The following DUS1L variants were observed in gnomAD, a reference collection of about 807,000 sequenced individuals.
DUS1L encodes tRNA-dihydrouridine(16/17) synthase [NAD(P)(+)]-like.
In DUS1L, 56 loss-of-function variants were observed where a neutral mutation model predicts 61.2. That is an observed-to-expected ratio of 0.92 (90% confidence interval 0.74 to 1.14). The LOEUF is 1.14. Among genes scored for constraint, DUS1L ranks in the 50% most tolerant of loss-of-function variants. DUS1L has a pLI of 0.00. For missense variants in DUS1L, 630 were observed against 632.4 expected (o/e 1.00, Z 0.04); for synonymous variants, 278 against 259.5 (o/e 1.07, Z -0.69).
chr17:82,058,283 G>A (rs1430912966), intron 13 of DUS1L, 29 bp from the exon 14 acceptor site: 2 of 1,550,716 alleles, frequency 1.3e-6, no homozygotes, highest in African/African-American at 1.4e-5. Context: ...GGAGTCGGGG[G>A]TCAGGAGGCG....
At chr17:82,062,098 C>T (rs896806714) in intron 5 of DUS1L, 115 bp from the exon 6 acceptor site, 74 of 912,732 alleles carry the variant, frequency 8.1e-5, no homozygotes, top group Admixed American at 1.1e-4. Context: ...CCCCTCTGCC[C>T]CTCCCAGCCC....
Position 82,061,660 on chromosome 17 carries a change from G to A in DUS1L, c.655C>T (p.Arg219Cys), listed in dbSNP as rs200226024. ...GNIQCLQDVE[R>C]CLRDTGVQGV... ...TGCACACCCGTGTCCCGGAGGCAGCGCTCCACGTCCTGCAGGCACTGGATG... is the reference window on the plus strand; with the variant it reads ...TGCACACCCGTGTCCCGGAGGCAGCACTCCACGTCCTGCAGGCACTGGATG... The change falls in exon 7 of 14, where the codon CGC becomes TGC. Residue 219 changes from arginine (R) to cysteine (C), a missense_variant. Physicochemically the swap from Arg to Cys is radical, Grantham distance 180. Coordinates refer to ENST00000306796, the MANE Select transcript of DUS1L (RefSeq NM_022156.5). The A allele has an allele frequency of 7.4e-6, 12 of 1,612,750 alleles. No individual in the cohort carries two copies. Among genetic ancestry groups the A allele is most frequent in the African/African-American group, 1.3e-5 (1 of 74,926 alleles).
At position 82,060,914 on chromosome 17, in the gene DUS1L, G is replaced by A; in HGVS notation, c.890C>T (p.Thr297Ile). The A allele has an allele frequency of 6.2e-7, 1 of 1,611,288 alleles. No individual in the cohort carries two copies. The highest frequency in any genetic ancestry group is 1.3e-5 in the African/African-American group (1 of 75,046). The part of the protein sequence containing the change: ...ELREELAKVK[T>I]LEGIAAVSQE... ...GCTCACAGCAGCGATGCCCTCCAGGGTCTTCACCTTGGCCAGCTCCTCTCG... is the reference window on the plus strand; with the variant it reads ...GCTCACAGCAGCGATGCCCTCCAGGATCTTCACCTTGGCCAGCTCCTCTCG... Residue 297 changes from threonine to isoleucine, a missense_variant, in exon 9 of 14, where the codon ACC becomes ATC. Transcript: ENST00000306796.
At chr17:82,062,754 A>C (rs2033571629) in intron 5 of DUS1L, 107 bp downstream of exon 5, 1 of 998,424 alleles carries the variant, frequency 1.0e-6, no homozygotes, top group South Asian at 1.4e-5. Context: ...CACTGCCCCC[A>C]TGAGGCCGAC....
Position 82,065,073 on chromosome 17 carries a change from G to C in DUS1L, c.-10-4C>G. The stretch of plus-strand genomic sequence containing the variant: ...CAGCTTTGGCATCGTCTCCAGGCTG[G>C]GGGAAAGGCGCAGACCCGGGGTTCA... On this transcript the variant is annotated splice_region_variant and splice_polypyrimidine_tract_variant and intron_variant, in intron 1 of 13. Transcript: ENST00000306796. 1.3e-6 allele frequency: 2 copies of C among 1,580,376 alleles called. No homozygotes were observed. The highest frequency in any genetic ancestry group is 1.7e-6 in the Non-Finnish European group (2 of 1,161,948).
intron 4 of DUS1L, 49 bp from the exon 5 acceptor site, chr17:82,063,022 T>G: frequency 6.6e-7 from 1 of 1,515,788 alleles, no homozygotes; most frequent in Non-Finnish European, 9.1e-7. Context: ...GTTCCCACTT[T>G]AGCGGCCAAG....
At position 82,057,722 on chromosome 17, in the gene DUS1L, G is replaced by A. The variant is rs529579302; in HGVS notation, c.*393C>T. The A allele has an allele frequency of 2.5e-5, 5 of 200,190 alleles. No individual in the cohort carries two copies. Among genetic ancestry groups the A allele is most frequent in the South Asian group, 8.9e-5 (1 of 11,222 alleles). The allele number at this position is 200,190 out of a possible 1,614,324, so 12.4% of individuals were successfully genotyped here. Reference sequence around the variant, plus strand: ...GCCTATGGAGGCGCCTAGGGGAGGTGGGGAGGGGACCTAAGCCCCCACTTT... The same window carrying A: ...GCCTATGGAGGCGCCTAGGGGAGGTAGGGAGGGGACCTAAGCCCCCACTTT... On this transcript the variant is annotated 3_prime_UTR_variant, in exon 14 of 14. Transcript: ENST00000306796.
chr17:82,064,848 G>C lies in DUS1L; in HGVS notation c.212C>G (p.Pro71Arg). ...RKENLYCEVC[P>R]EDRPLIVQFC... ...CTGCACGATGAGGGGCCGGTCCTCG[G>C]GGCACACCTCGCAGTACAGGTTCTC... is the stretch of plus-strand genomic sequence containing the variant. Residue 71 changes from proline (P) to arginine (R), a missense_variant, in exon 2 of 14, where the codon CCC becomes CGC. Physicochemically the swap from Pro to Arg is moderately radical, Grantham distance 103. Coordinates refer to ENST00000306796, the MANE Select transcript of DUS1L (RefSeq NM_022156.5). 6.2e-7 allele frequency: 1 copy of C among 1,611,736 alleles called. No homozygotes were observed. Among genetic ancestry groups the C allele is most frequent in the Non-Finnish European group, 8.5e-7 (1 of 1,179,548 alleles).
At position 82,060,439 on chromosome 17, in the gene DUS1L, T is replaced by C. The variant is rs546949835; in HGVS notation, c.1022+262A>G. ...AGGATCAGAGGAGCTCAGAGAAGTA[T>C]GTTATGGAAGAAAAGATTTAAAATC... is the stretch of plus-strand genomic sequence containing the variant. On this transcript the variant is annotated intron_variant, in intron 10 of 13. Transcript: ENST00000306796. 1.6e-3 allele frequency: 931 copies of C among 585,242 alleles called. 21 individuals carry two copies. In the South Asian group the frequency reaches 0.019, roughly 12 times the overall value. 36.3% of individuals were successfully genotyped at this position (585,242 alleles called of 1,614,324 possible). A position where few individuals can be genotyped will look rare whatever the true frequency, so the allele number is the denominator to read the frequency against.
intron 1 of DUS1L, 176 bp downstream of exon 1, chr17:82,065,437 A>C: frequency 4.0e-5 from 8 of 198,734 alleles, no homozygotes; most frequent in East Asian, 1.1e-4. Context: ...TCCCGGGAGA[A>C]TCGGCTCCGC....
At chr17:82,059,781 C>T (rs2033375057) in intron 11 of DUS1L, 167 bp downstream of exon 11, 1 of 938,992 alleles carries the variant, frequency 1.1e-6, no homozygotes, top group African/African-American at 1.6e-5. Context: ...GGTCCCCGTT[C>T]TGACCCCAAG....
chr17:82,064,018 C>CA (rs2033640603), intron 3 of DUS1L, 108 bp downstream of exon 3: 1 of 954,452 alleles, frequency 1.0e-6, no homozygotes, highest in Admixed American at 2.1e-5. Flanking sequence ...GAGCCACTGT[C>CA]ACGACAGAGG....
chr17:82,058,031 G>T lies in DUS1L; in HGVS notation c.*84C>A. 7.0e-7 allele frequency: 1 copy of T among 1,425,374 alleles called. No individual in the cohort carries two copies. The highest frequency in any genetic ancestry group is 1.4e-5 in the African/African-American group (1 of 69,176). The allele number at this position is 1,425,374 out of a possible 1,614,324, so 88.3% of individuals were successfully genotyped here. A position where few individuals can be genotyped will look rare whatever the true frequency, so the allele number is the denominator to read the frequency against. On this transcript the variant is annotated 3_prime_UTR_variant, in exon 14 of 14. Transcript: ENST00000306796. ...CGTGTCTTTCCACATTAAGTAGCAG[G>T]AGATTCCCTGAGTAAAAGGCATTTT... is the stretch of plus-strand genomic sequence containing the variant.
intron 3 of DUS1L, 25 bp from the exon 4 acceptor site, chr17:82,063,543 C>T (rs2033612633): frequency 6.2e-7 from 1 of 1,613,082 alleles, no homozygotes; most frequent in South Asian, 1.1e-5. Flanking sequence ...CATGGCCTGG[C>T]TGGCACCTGT....
Position 82,065,008 on chromosome 17 carries a change from G to A in DUS1L, c.52C>T (p.Arg18Cys). 1.9e-6 allele frequency: 3 copies of A among 1,610,274 alleles called. No individual in the cohort carries two copies. Among genetic ancestry groups the A allele is most frequent in the Non-Finnish European group, 1.7e-6 (2 of 1,178,320 alleles). ...EFWSRTLRGA[R>C]HVVAPMVDQS... ...TCCACCATGGGGGCCACGACGTGGC[G>A]GGCCCCTCGCAGGGTGCGGCTCCAG... Residue 18 changes from arginine (R) to cysteine (C), a missense_variant, in exon 2 of 14, where the codon CGC (arginine) becomes TGC (cysteine). Coordinates refer to ENST00000306796, the MANE Select transcript of DUS1L (RefSeq NM_022156.5).
rs1252060444 is a variant in DUS1L at position 82,064,967 on chromosome 17, G to C, written c.93C>G (p.Ala31=). ...VAPMVDQSEL[A]WRLLSRRHGA... ...CGTGGCGCCGGCTCAGCAGCCTCCA[G>C]GCCAGCTCGCTCTGGTCCACCATGG... Residue 31 remains alanine, a synonymous_variant, in exon 2 of 14, where the codon GCC becomes GCG. Coordinates refer to ENST00000306796, the MANE Select transcript of DUS1L (RefSeq NM_022156.5). The C allele has an allele frequency of 5.0e-6, 8 of 1,612,410 alleles. No homozygotes were observed. The highest frequency in any genetic ancestry group is 6.8e-6 in the Non-Finnish European group (8 of 1,179,756).
At position 82,057,981 on chromosome 17, in the gene DUS1L, A is replaced by G; in HGVS notation, c.*134T>C. On this transcript the variant is annotated 3_prime_UTR_variant, in exon 14 of 14. Transcript: ENST00000306796. ...CCCACTGCAGCATTTCCAGGCCCCC[A>G]GAGTGGGCCGAAGGGGGACATGGGC... The G allele has an allele frequency of 8.4e-7, 1 of 1,187,338 alleles. No homozygotes were observed. Among genetic ancestry groups the G allele is most frequent in the Non-Finnish European group, 1.1e-6 (1 of 886,408 alleles). The allele number at this position is 1,187,338 out of a possible 1,614,324, so 73.6% of individuals were successfully genotyped here.
chr17:82,063,057 C>G (rs1209469294), intron 4 of DUS1L, 84 bp from the exon 5 acceptor site: 2 of 1,203,716 alleles, frequency 1.7e-6, no homozygotes, highest in Admixed American at 1.9e-5. Flanking sequence ...GCCCTGCAGA[C>G]AGCGGAGCCC....
intron 4 of DUS1L, 190 bp from the exon 5 acceptor site, chr17:82,063,163 C>T (rs2033594795): frequency 1.6e-6 from 1 of 637,738 alleles, no homozygotes; most frequent in Non-Finnish European, 2.7e-6. Context: ...TACCCCCGGC[C>T]CTCCGAAGTT....
Sources: gnomAD v4.1 joint callset for allele counts on GRCh38, gnomAD v4.1.1 for gene constraint, MANE v1.5 for transcripts, NCBI Gene and HGNC (gene_info 2026-07-23, HGNC 2026-07-21) for gene names.